TRPC7: variants seen among roughly 807,000 people sequenced by gnomAD.
The protein encoded by TRPC7 is transient receptor potential cation channel subfamily C member 7.
In TRPC7, 42 loss-of-function variants were observed where a neutral mutation model predicts 90.1. The ratio of observed to expected loss-of-function variants is 0.47; its 90% CI spans 0.36 to 0.60. The LOEUF is 0.60. Among genes scored for constraint, TRPC7 ranks in the 20% least tolerant of loss-of-function variants. The pLI, the probability that TRPC7 is intolerant of heterozygous loss-of-function variation, is 0.00. For synonymous variants in TRPC7, 451 were observed against 436.3 expected (o/e 1.03, Z -0.42); for missense variants, 955 against 1,112.3 (o/e 0.86, Z 2.01).
intron 4 of TRPC7, among the ~76,000 whole-genome samples, chr5:136,269,597 G>A (rs374649400): frequency 2.0e-5 from 3 of 152,258 alleles, no homozygotes; most frequent in East Asian, 1.9e-4. Context: ...TGCCACTCTC[G>A]CTTTCCACTG....
intron 2 of TRPC7, among the ~76,000 whole-genome samples, chr5:136,326,545 G>T (rs188270761): frequency 7.2e-5 from 11 of 152,262 alleles, no homozygotes; most frequent in Non-Finnish European, 5.9e-5. Context: ...AGAGGAGAGA[G>T]TAGATCTGAA....
intron 2 of TRPC7, among the ~76,000 whole-genome samples, chr5:136,347,706 A>G (rs1436291912): frequency 1.3e-5 from 2 of 152,202 alleles, no homozygotes; most frequent in Non-Finnish European, 2.9e-5. Context: ...TCCATCAAAG[A>G]TCAAGGTGAA....
At chr5:136,294,526 A>G (rs372506433) in intron 3 of TRPC7, among the ~76,000 whole-genome samples, 1 of 152,228 alleles carries the variant, frequency 6.6e-6, no homozygotes, top group East Asian at 1.9e-4. Flanking sequence ...GCAGCCAAAA[A>G]ACACATGAAA....
At chr5:136,299,889 T>C (rs973202679) in intron 3 of TRPC7, among the ~76,000 whole-genome samples, 2 of 152,198 alleles carry the variant, frequency 1.3e-5, no homozygotes, top group African/African-American at 4.8e-5. Flanking sequence ...TGTTCTGCCA[T>C]TGAATGCTCC....
intron 7 of TRPC7, among the ~76,000 whole-genome samples, chr5:136,246,545 T>C (rs1243717649): frequency 6.6e-6 from 1 of 152,212 alleles, no homozygotes; most frequent in Non-Finnish European, 1.5e-5. Flanking sequence ...TGCTGTGTAT[T>C]CTGGTGGGCA....
At chr5:136,343,554 T>A (rs1402246797) in intron 2 of TRPC7, among the ~76,000 whole-genome samples, 1 of 152,220 alleles carries the variant, frequency 6.6e-6, no homozygotes, top group Non-Finnish European at 1.5e-5. Context: ...TCATACCCTT[T>A]TGTCTAATCA....
chr5:136,235,864 G>A (rs1561682045), intron 7 of TRPC7, among the ~76,000 whole-genome samples: 1 of 152,120 alleles, frequency 6.6e-6, no homozygotes. Context: ...TCAATCACAG[G>A]AGATGACACA....
chr5:136,293,095 C>T (rs1428625031), intron 3 of TRPC7, among the ~76,000 whole-genome samples: 1 of 152,096 alleles, frequency 6.6e-6, no homozygotes, highest in Non-Finnish European at 1.5e-5. Flanking sequence ...ATTCAACAAC[C>T]CTTCATGCTA....
intron 2 of TRPC7, among the ~76,000 whole-genome samples, chr5:136,338,112 C>T (rs917009248): frequency 1.3e-5 from 2 of 152,060 alleles, no homozygotes; most frequent in African/African-American, 4.8e-5. Context: ...ATTTTCAAAG[C>T]ATTTACCAAT....
At chr5:136,358,358 T>G (rs148257507) in intron 1 of TRPC7, among the ~76,000 whole-genome samples, 52 of 152,344 alleles carry the variant, frequency 3.4e-4, no homozygotes, top group Non-Finnish European at 6.2e-4. Flanking sequence ...TTAACATTTA[T>G]TAAGCACCTA....
chr5:136,284,182 C>T (rs535886306), intron 3 of TRPC7, among the ~76,000 whole-genome samples: 3 of 152,206 alleles, frequency 2.0e-5, no homozygotes, highest in Non-Finnish European at 4.4e-5. Flanking sequence ...TGCCTATTCT[C>T]AGATGTCAGA....
At chr5:136,356,425 G>T (rs1379433038) in intron 2 of TRPC7, among the ~76,000 whole-genome samples, 183 bp downstream of exon 2, 8 of 152,144 alleles carry the variant, frequency 5.3e-5, no homozygotes, top group Non-Finnish European at 1.5e-5. Flanking sequence ...TCACCCAGAG[G>T]GCTGCTTTTC....
chr5:136,296,268 T>A (rs1758167586), intron 3 of TRPC7, among the ~76,000 whole-genome samples: 1 of 152,196 alleles, frequency 6.6e-6, no homozygotes, highest in South Asian at 2.1e-4. Context: ...ATACTAATAA[T>A]CTTAATAATA....
intron 5 of TRPC7, among the ~76,000 whole-genome samples, chr5:136,257,818 A>G (rs1260376805): frequency 6.6e-6 from 1 of 152,194 alleles, no homozygotes; most frequent in Non-Finnish European, 1.5e-5. Context: ...GGATAGAAAA[A>G]TAGTGTTTGT....
intron 5 of TRPC7, among the ~76,000 whole-genome samples, chr5:136,263,860 A>G (rs1580876878): frequency 6.6e-6 from 1 of 152,136 alleles, no homozygotes; most frequent in East Asian, 1.9e-4. Context: ...GAGAGAAGGG[A>G]GGTGGGGGAA....
At chr5:136,323,512 A>G (rs1403415202) in intron 2 of TRPC7, among the ~76,000 whole-genome samples, 1 of 152,152 alleles carries the variant, frequency 6.6e-6, no homozygotes, top group Non-Finnish European at 1.5e-5. Context: ...AATTTTTTGT[A>G]TATGATGTGA....
chr5:136,305,644 C>T (rs1329741120), intron 3 of TRPC7, among the ~76,000 whole-genome samples: 1 of 152,190 alleles, frequency 6.6e-6, no homozygotes, highest in African/African-American at 2.4e-5. Flanking sequence ...AAGGCCACGG[C>T]AGTCATTTCT....
Position 136,213,382 on chromosome 5 carries a change from A to G in TRPC7, c.*53T>C, listed in dbSNP as rs1755155617. On this transcript the variant is annotated 3_prime_UTR_variant, in exon 12 of 12. Coordinates refer to ENST00000513104, the MANE Select transcript of TRPC7 (RefSeq NM_020389.3). ...CCCCACCAAGGATGGGGGCGAGGGC[A>G]TCCAACCTGGCCTTGGAATGCTGGT... The G allele has an allele frequency of 6.9e-6, 11 of 1,593,516 alleles. No homozygotes were observed. In the South Asian group the frequency reaches 1.0e-4, roughly 15 times the overall value.
intron 7 of TRPC7, among the ~76,000 whole-genome samples, chr5:136,235,947 T>G (rs1755966084): frequency 6.6e-6 from 1 of 152,198 alleles, no homozygotes; most frequent in African/African-American, 2.4e-5. Flanking sequence ...AGTGGCTATA[T>G]GAGTTTGGGC....
Sources: allele counts gnomAD v4.1 joint callset (sites outside exome capture counted in the v4.1 genomes callset), GRCh38; gene constraint gnomAD v4.1.1; transcripts MANE v1.5; gene names NCBI Gene and HGNC (gene_info 2026-07-23, HGNC 2026-07-21).